The following GABRA1 variants were observed in gnomAD, a reference collection of about 807,000 sequenced individuals.
The protein encoded by GABRA1 is gamma-aminobutyric acid receptor subunit alpha-1.
Under a neutral mutation model 48.9 loss-of-function variants are expected in GABRA1, and 9 were observed. The ratio of observed to expected loss-of-function variants is 0.18; its 90% CI spans 0.11 to 0.32. GABRA1 has a LOEUF of 0.32. Ranked by LOEUF, GABRA1 falls within the 10% of genes least tolerant of loss-of-function variation. GABRA1 has a pLI of 1.00. For missense variants in GABRA1, 285 were observed against 553.8 expected (o/e 0.51, Z 4.87); for synonymous variants, 210 against 198.7 (o/e 1.06, Z -0.48).
chr5:161,876,454 G>T (rs746972522), intron 6 of GABRA1, among the ~76,000 whole-genome samples: 1 of 152,110 alleles, frequency 6.6e-6, no homozygotes, highest in East Asian at 1.9e-4. Context: ...CTACCTAACC[G>T]ATTTTCTGTT....
intron 4 of GABRA1, among the ~76,000 whole-genome samples, chr5:161,868,940 C>A (rs888999658): frequency 6.6e-6 from 1 of 152,154 alleles, no homozygotes; most frequent in African/African-American, 2.4e-5. Flanking sequence ...CAACAATATT[C>A]CCTATTGCCT....
At chr5:161,879,465 A>G (rs972564195) in intron 6 of GABRA1, among the ~76,000 whole-genome samples, 11 of 152,154 alleles carry the variant, frequency 7.2e-5, no homozygotes, top group African/African-American at 2.7e-4. Flanking sequence ...TTTATTTGAA[A>G]TTGTAACTTA....
chr5:161,852,403 A>G (rs1172855414), intron 2 of GABRA1, among the ~76,000 whole-genome samples: 1 of 151,948 alleles, frequency 6.6e-6, no homozygotes, highest in Non-Finnish European at 1.5e-5. Flanking sequence ...TTCTTATTGT[A>G]TTGCTTTCTT....
chr5:161,881,037 A>T (rs1030096080), intron 6 of GABRA1, among the ~76,000 whole-genome samples: 1 of 152,202 alleles, frequency 6.6e-6, no homozygotes, highest in South Asian at 2.1e-4. Context: ...GATGAATATA[A>T]TCCAGATTAT....
intron 7 of GABRA1, among the ~76,000 whole-genome samples, chr5:161,886,827 C>T (rs1391726835): frequency 6.6e-6 from 1 of 151,924 alleles, no homozygotes; most frequent in East Asian, 1.9e-4. Flanking sequence ...TGTAAGGGAA[C>T]TACATGATGG....
At chr5:161,882,843 TAA>T in intron 7 of GABRA1, 142 bp downstream of exon 7, 1 of 815,262 alleles carries the variant, frequency 1.2e-6, no homozygotes, top group Non-Finnish European at 2.1e-6. Flanking sequence ...GGAACTAATG[TAA>T]ACTCGGTAGA....
At chr5:161,856,685 C>CT (rs1177556019) in intron 3 of GABRA1, among the ~76,000 whole-genome samples, 1 of 150,434 alleles carries the variant, frequency 6.6e-6, no homozygotes, top group Non-Finnish European at 1.5e-5. Flanking sequence ...TTTAAATATT[C>CT]TTTTTTTGGA....
intron 3 of GABRA1, among the ~76,000 whole-genome samples, chr5:161,860,334 T>G (rs1484393805): frequency 1.3e-5 from 2 of 151,840 alleles, no homozygotes; most frequent in Non-Finnish European, 2.9e-5. Flanking sequence ...CTGCCATGTT[T>G]GTCTTTCTGT....
At chr5:161,861,041 G>A (rs1392124619) in intron 3 of GABRA1, among the ~76,000 whole-genome samples, 1 of 151,688 alleles carries the variant, frequency 6.6e-6, no homozygotes, top group Non-Finnish European at 1.5e-5. Flanking sequence ...AATCTCATTT[G>A]CTATACGTCA....
At chr5:161,886,045 A>C (rs1754830478) in intron 7 of GABRA1, among the ~76,000 whole-genome samples, 1 of 152,148 alleles carries the variant, frequency 6.6e-6, no homozygotes, top group Non-Finnish European at 1.5e-5. Context: ...AAATCCTAGA[A>C]TTGAGGTAAT....
chr5:161,888,107 T>C (rs1377748584), intron 7 of GABRA1, among the ~76,000 whole-genome samples: 5 of 152,154 alleles, frequency 3.3e-5, no homozygotes, highest in Non-Finnish European at 5.9e-5. Flanking sequence ...ATTTGCAAGC[T>C]TCCTTCAGGG....
At chr5:161,893,398 A>T (rs534425454) in intron 8 of GABRA1, among the ~76,000 whole-genome samples, 6 of 152,170 alleles carry the variant, frequency 3.9e-5, no homozygotes, top group Non-Finnish European at 5.9e-5. Context: ...TAACCTTTTA[A>T]CATTTATTTT....
At chr5:161,880,824 A>C (rs1172850265) in intron 6 of GABRA1, among the ~76,000 whole-genome samples, 1 of 152,166 alleles carries the variant, frequency 6.6e-6, no homozygotes, top group African/African-American at 2.4e-5. Context: ...TTCATGTAAA[A>C]AAGCAACTAT....
chr5:161,863,434 T>C (rs1757935071), intron 3 of GABRA1, among the ~76,000 whole-genome samples: 1 of 151,858 alleles, frequency 6.6e-6, no homozygotes, highest in South Asian at 2.1e-4. Context: ...GGAGCAGATG[T>C]ATCACATGGC....
intron 2 of GABRA1, chr5:161,853,569 A>C (rs143137501): frequency 6.6e-6 from 1 of 152,032 alleles, no homozygotes; most frequent in Non-Finnish European, 1.5e-5. Context: ...GACAAATTTT[A>C]ATCATTGGGT....
intron 4 of GABRA1, among the ~76,000 whole-genome samples, chr5:161,867,353 G>A (rs528502709): frequency 3.9e-5 from 6 of 152,118 alleles, no homozygotes; most frequent in Admixed American, 3.9e-4. Flanking sequence ...AAATGATTTT[G>A]CCACTCTCTG....
At chr5:161,857,961 A>C (rs1484135307) in intron 3 of GABRA1, among the ~76,000 whole-genome samples, 1 of 150,502 alleles carries the variant, frequency 6.6e-6, no homozygotes, top group Admixed American at 6.7e-5. Flanking sequence ...AAGTCAGAAA[A>C]AATGGGAAGA....
chr5:161,852,844 C>A (rs919520585), intron 2 of GABRA1, among the ~76,000 whole-genome samples: 10 of 151,780 alleles, frequency 6.6e-5, no homozygotes, highest in African/African-American at 2.4e-4. Context: ...TTTGCCGATA[C>A]GAAATTAATT....
intron 7 of GABRA1, among the ~76,000 whole-genome samples, chr5:161,884,753 A>G (rs1281446244): frequency 6.6e-6 from 1 of 152,198 alleles, no homozygotes; most frequent in Non-Finnish European, 1.5e-5. Context: ...ATGCAGGCAT[A>G]TATGTATGAA....
Sources: allele counts gnomAD v4.1 joint callset (sites outside exome capture counted in the v4.1 genomes callset), GRCh38; gene constraint gnomAD v4.1.1; transcripts MANE v1.5; gene names NCBI Gene and HGNC (gene_info 2026-07-23, HGNC 2026-07-21).